Variants in CLYBL observed in about 807,000 individuals in gnomAD.
The protein encoded by CLYBL is citramalyl-CoA lyase.
A neutral mutation model predicts 38.9 loss-of-function variants in CLYBL; 31 were observed. The observed-to-expected ratio is 0.80, with a 90% CI of 0.60 to 1.08. The LOEUF (loss-of-function observed/expected upper bound fraction) is 1.08, where lower values mean the gene tolerates loss of function less well. Ranked by LOEUF, CLYBL falls within the 50% of genes least tolerant of loss-of-function variation. The pLI, the probability that CLYBL is intolerant of heterozygous loss-of-function variation, is 0.00. For synonymous variants in CLYBL, 171 were observed against 158.6 expected (o/e 1.08, Z -0.59); for missense variants, 434 against 411.6 (o/e 1.05, Z -0.47).
chr13:99,780,358 A>C (rs1404201318), intron 2 of CLYBL, among the ~76,000 whole-genome samples: 1 of 152,280 alleles, frequency 6.6e-6, no homozygotes, highest in South Asian at 2.1e-4. Flanking sequence ...CTATTTTTAA[A>C]AAATTTCTAT....
chr13:99,781,963 G>T (rs571735958), intron 2 of CLYBL, among the ~76,000 whole-genome samples: 17 of 152,198 alleles, frequency 1.1e-4, no homozygotes, highest in African/African-American at 1.4e-4. Context: ...TATTTCTCTC[G>T]CACTGTATGC....
intron 1 of CLYBL, among the ~76,000 whole-genome samples, chr13:99,740,443 A>G (rs1003318232): frequency 1.3e-5 from 2 of 152,208 alleles, no homozygotes; most frequent in African/African-American, 4.8e-5. Context: ...AGACATCTTA[A>G]GAAAATTGCC....
intron 1 of CLYBL, among the ~76,000 whole-genome samples, chr13:99,679,066 G>T (rs887270049): frequency 1.3e-5 from 2 of 152,002 alleles, no homozygotes; most frequent in African/African-American, 4.8e-5. Flanking sequence ...AGGCCGAGGC[G>T]GGCAGATCAC....
chr13:99,876,489 C>T (rs1458553821), intron 7 of CLYBL, among the ~76,000 whole-genome samples: 1 of 148,820 alleles, frequency 6.7e-6, no homozygotes, highest in Non-Finnish European at 1.5e-5. Context: ...AAATTGTTTG[C>T]TTTGTCCTTA....
chr13:99,725,792 T>C (rs1481183247), intron 1 of CLYBL, among the ~76,000 whole-genome samples: 1 of 152,068 alleles, frequency 6.6e-6, no homozygotes. Context: ...CGGGGAGGCA[T>C]TGTGGTGTTT....
At chr13:99,740,947 A>C (rs1289073932) in intron 1 of CLYBL, among the ~76,000 whole-genome samples, 2 of 152,202 alleles carry the variant, frequency 1.3e-5, no homozygotes, top group African/African-American at 4.8e-5. Flanking sequence ...CCTGGGTGCG[A>C]AAGTAAAGAA....
At chr13:99,688,747 T>G (rs1215383997) in intron 1 of CLYBL, among the ~76,000 whole-genome samples, 1 of 152,184 alleles carries the variant, frequency 6.6e-6, no homozygotes, top group Non-Finnish European at 1.5e-5. Context: ...GATCTGACAG[T>G]GGCCGTTCCT....
chr13:99,819,760 C>T (rs369382880), intron 2 of CLYBL, among the ~76,000 whole-genome samples: 162 of 152,014 alleles, frequency 1.1e-3, no homozygotes, highest in African/African-American at 3.4e-3. Flanking sequence ...AGAATTTGTC[C>T]TTTGCATTCT....
chr13:99,759,610 G>C (rs1341514509), intron 1 of CLYBL, among the ~76,000 whole-genome samples: 1 of 152,084 alleles, frequency 6.6e-6, no homozygotes, highest in Non-Finnish European at 1.5e-5. Context: ...CTCTAGGTAA[G>C]GATACCAGAC....
intron 2 of CLYBL, among the ~76,000 whole-genome samples, chr13:99,833,934 T>C (rs1423694113): frequency 2.0e-5 from 3 of 151,992 alleles, no homozygotes; most frequent in African/African-American, 7.3e-5. Context: ...TCTCCTGATA[T>C]CGTGATCTGC....
At chr13:99,635,127 TCACC>T (rs1566594668) in intron 1 of CLYBL, among the ~76,000 whole-genome samples, 1 of 152,102 alleles carries the variant, frequency 6.6e-6, no homozygotes, top group South Asian at 2.1e-4. Flanking sequence ...GTGTGCTCTG[TCACC>T]CAAGCCAGCA....
intron 1 of CLYBL, among the ~76,000 whole-genome samples, chr13:99,658,266 G>C (rs985319451): frequency 2.6e-5 from 4 of 152,252 alleles, no homozygotes. Context: ...CACTCGGGGT[G>C]AATAGTGTGG....
chr13:99,668,297 A>G (rs1174281776), intron 1 of CLYBL, among the ~76,000 whole-genome samples: 1 of 149,510 alleles, frequency 6.7e-6, no homozygotes, highest in Non-Finnish European at 1.5e-5. Context: ...CTTTAATAGA[A>G]CACTGGCGGC....
intron 1 of CLYBL, among the ~76,000 whole-genome samples, chr13:99,725,382 G>A (rs556250275): frequency 2.6e-4 from 40 of 152,178 alleles, no homozygotes; most frequent in Non-Finnish European, 5.1e-4. Flanking sequence ...CAAAAGAAAA[G>A]GAAAAGTGAG....
chr13:99,850,639 A>G (rs1942574561), intron 2 of CLYBL, among the ~76,000 whole-genome samples: 1 of 152,246 alleles, frequency 6.6e-6, no homozygotes, highest in South Asian at 2.1e-4. Flanking sequence ...AGCTAAACGC[A>G]GAATTACTAT....
chr13:99,736,138 G>T (rs1203539631), intron 1 of CLYBL, among the ~76,000 whole-genome samples: 2 of 127,122 alleles, frequency 1.6e-5, no homozygotes, highest in African/African-American at 6.0e-5. Context: ...TCTGCCTCCC[G>T]AGTTCAAGCG....
At chr13:99,875,707 C>T (rs2052020687) in intron 7 of CLYBL, among the ~76,000 whole-genome samples, 1 of 152,206 alleles carries the variant, frequency 6.6e-6, no homozygotes, top group Non-Finnish European at 1.5e-5. Flanking sequence ...CACTATTAGA[C>T]AACAGTGTAT....
chr13:99,743,894 G>A (rs2048800028), intron 1 of CLYBL, among the ~76,000 whole-genome samples: 1 of 151,398 alleles, frequency 6.6e-6, no homozygotes, highest in East Asian at 1.9e-4. Context: ...TAGCGGTATT[G>A]CGGGGACTCG....
At chr13:99,818,986 A>G (rs1810257623) in intron 2 of CLYBL, among the ~76,000 whole-genome samples, 1 of 152,116 alleles carries the variant, frequency 6.6e-6, no homozygotes, top group South Asian at 2.1e-4. Flanking sequence ...CAAGACAAAA[A>G]AATTCTCTAC....
Sources: allele counts gnomAD v4.1 joint callset (sites outside exome capture counted in the v4.1 genomes callset), GRCh38; gene constraint gnomAD v4.1.1; transcripts MANE v1.5; gene names NCBI Gene and HGNC (gene_info 2026-07-23, HGNC 2026-07-21).